Variants in IGSF5 observed in about 807,000 individuals in gnomAD.
IGSF5 encodes the protein immunoglobulin superfamily 5 like.
IGSF5 carries 41 observed loss-of-function variants against 39.4 expected under a neutral mutation model. The ratio of observed to expected loss-of-function variants is 1.04; its 90% CI spans 0.81 to 1.35. The LOEUF is 1.35. Ranked by LOEUF, IGSF5 falls within the 40% of genes most tolerant of loss-of-function variation. The pLI, the probability that IGSF5 is intolerant of heterozygous loss-of-function variation, is 0.00. For missense variants in IGSF5, 487 were observed against 494.6 expected, an observed-to-expected ratio of 0.98 and a Z score of 0.15; for synonymous variants, 183 against 175.3, an observed-to-expected ratio of 1.04 and a Z score of -0.34.
chr21:39,729,215 T>G, the IGSF5 span: 1 of 152,214 alleles, frequency 6.6e-6, no homozygotes, highest in Non-Finnish European at 1.5e-5. Context: ...CCAAGTGTTG[T>G]TTTTGGTGGC....
chr21:39,714,723 A>C, the IGSF5 span, among the ~76,000 whole-genome samples: 1 of 152,112 alleles, frequency 6.6e-6, no homozygotes, highest in Admixed American at 6.5e-5. Flanking sequence ...GTCTGTGTGT[A>C]AATTTCTGTT....
chr21:39,740,480 A>G (rs1333399401), upstream of IGSF5, among the ~76,000 whole-genome samples: 1 of 152,168 alleles, frequency 6.6e-6, no homozygotes, highest in East Asian at 1.9e-4. Context: ...GTCTGTATAT[A>G]TATTTACCCT....
At chr21:39,747,344 A>C (rs1009005348) in intron 2 of IGSF5, among the ~76,000 whole-genome samples, 9 of 152,190 alleles carry the variant, frequency 5.9e-5, no homozygotes, top group African/African-American at 2.2e-4. Flanking sequence ...GTTATCTCCC[A>C]CCAAGTCCCT....
the IGSF5 span, among the ~76,000 whole-genome samples, chr21:39,732,008 G>C: frequency 1.3e-5 from 2 of 152,178 alleles, no homozygotes; most frequent in African/African-American, 4.8e-5. Flanking sequence ...CATGCTGTGA[G>C]GAAGCCCAAG....
At chr21:39,794,322 TCCACATGGAGATGC>T (rs1417409831) in intron 8 of IGSF5, among the ~76,000 whole-genome samples, 1 of 152,122 alleles carries the variant, frequency 6.6e-6, no homozygotes, top group African/African-American at 2.4e-5. Context: ...CTGTTAGATG[TCCACATGGAGATGC>T]TGAAGGTGTA....
chr21:39,713,155 G>C, the IGSF5 span, among the ~76,000 whole-genome samples: 11 of 152,318 alleles, frequency 7.2e-5, no homozygotes, highest in Admixed American at 5.9e-4. Flanking sequence ...CCCTGCCACC[G>C]TGTGGTCACA....
intron 2 of IGSF5, chr21:39,751,155 A>G (rs1375719008): frequency 2.0e-5 from 3 of 152,320 alleles, no homozygotes; most frequent in Non-Finnish European, 2.9e-5. Context: ...CTGTGATGTG[A>G]CAGAGCCATT....
the IGSF5 span, among the ~76,000 whole-genome samples, chr21:39,720,915 A>T: frequency 2.0e-5 from 3 of 152,242 alleles, no homozygotes; most frequent in East Asian, 3.8e-4. Flanking sequence ...ACAAAAAATC[A>T]GATACTTCAA....
the IGSF5 span, among the ~76,000 whole-genome samples, chr21:39,728,186 C>A: frequency 2.6e-5 from 4 of 152,150 alleles, no homozygotes; most frequent in Non-Finnish European, 5.9e-5. Flanking sequence ...GTTCACGTCC[C>A]AACCCTTGGT....
At chr21:39,762,428 C>T (rs557761479) in intron 2 of IGSF5, among the ~76,000 whole-genome samples, 29 of 152,272 alleles carry the variant, frequency 1.9e-4, no homozygotes, top group East Asian at 9.7e-4. Flanking sequence ...GTTAAATAAA[C>T]GCCTAAGGAC....
intron 5 of IGSF5, among the ~76,000 whole-genome samples, chr21:39,783,327 A>G (rs1487402122): frequency 6.6e-6 from 1 of 152,134 alleles, no homozygotes; most frequent in Non-Finnish European, 1.5e-5. Flanking sequence ...TTACATTCCC[A>G]CCAATAGAGT....
intron 3 of IGSF5, among the ~76,000 whole-genome samples, chr21:39,770,532 T>C (rs1376443215): frequency 6.6e-6 from 1 of 152,192 alleles, no homozygotes; most frequent in East Asian, 1.9e-4. Context: ...CGTTTCTCTT[T>C]TTCCCTTTGC....
chr21:39,788,549 TC>T (rs2086939118), intron 6 of IGSF5, among the ~76,000 whole-genome samples: 1 of 152,132 alleles, frequency 6.6e-6, no homozygotes, highest in Non-Finnish European at 1.5e-5. Context: ...CCGGCAGAGG[TC>T]CTGCTGGAAT....
intron 4 of IGSF5, among the ~76,000 whole-genome samples, chr21:39,778,654 T>G (rs1386021190): frequency 6.6e-6 from 1 of 152,230 alleles, no homozygotes; most frequent in Admixed American, 6.5e-5. Context: ...CTCTGGGCGC[T>G]GGACTCTCAA....
intron 2 of IGSF5, among the ~76,000 whole-genome samples, chr21:39,757,435 T>TGGCG (rs2080037089): frequency 6.6e-6 from 1 of 151,826 alleles, no homozygotes; most frequent in African/African-American, 2.4e-5. Context: ...GGCTGGCGGG[T>TGGCG]GGTGTAAGAC....
At chr21:39,724,818 C>T in the IGSF5 span, among the ~76,000 whole-genome samples, 5 of 152,170 alleles carry the variant, frequency 3.3e-5, no homozygotes, top group African/African-American at 7.2e-5. Context: ...AAATTTCATG[C>T]TGAGGATGGC....
intron 5 of IGSF5, among the ~76,000 whole-genome samples, chr21:39,783,410 G>C (rs1118102): frequency 0.79 from 119,416 of 152,078 alleles, 47,016 homozygotes; most frequent in Admixed American, 0.84. Context: ...GCCATTCTAA[G>C]TAGGGTGAGA....
chr21:39,779,762 A>T (rs756195756), intron 5 of IGSF5, among the ~76,000 whole-genome samples: 1 of 152,196 alleles, frequency 6.6e-6, no homozygotes, highest in Non-Finnish European at 1.5e-5. Flanking sequence ...CCCTGGAGAG[A>T]CCTAAAGGAT....
At chr21:39,774,972 C>T (rs921402685) in intron 4 of IGSF5, among the ~76,000 whole-genome samples, 7 of 152,166 alleles carry the variant, frequency 4.6e-5, no homozygotes, top group South Asian at 2.1e-4. Context: ...TCCTCTCTCC[C>T]GGCTGTGGAT....
Sources: gnomAD v4.1 joint callset for allele counts (sites outside exome capture counted in the v4.1 genomes callset) on GRCh38, gnomAD v4.1.1 for gene constraint, MANE v1.5 for transcripts, NCBI Gene and HGNC (gene_info 2026-07-23, HGNC 2026-07-21) for gene names.